Variants in PXDNL observed in about 807,000 individuals in gnomAD.
PXDNL encodes the protein probable oxidoreductase PXDNL.
In PXDNL, 145 loss-of-function variants were observed where a neutral mutation model predicts 150.8. That is an observed-to-expected ratio of 0.96 (90% CI 0.84 to 1.10). PXDNL has a LOEUF of 1.10. PXDNL is among the 50% of genes least tolerant of loss of function. The pLI is 0.00. For synonymous variants in PXDNL, 757 were observed against 725.7 expected (o/e 1.04, Z -0.69); for missense variants, 2,087 against 1,873.9 (o/e 1.11, Z -2.10).
intron 4 of PXDNL, among the ~76,000 whole-genome samples, chr8:51,551,461 A>G (rs1336836794): frequency 6.6e-6 from 1 of 152,172 alleles, no homozygotes; most frequent in Non-Finnish European, 1.5e-5. Flanking sequence ...GCATGGTACT[A>G]CTGGTATAAA....
At chr8:51,444,764 C>T (rs1226878472) in intron 12 of PXDNL, among the ~76,000 whole-genome samples, 1 of 152,114 alleles carries the variant, frequency 6.6e-6, no homozygotes, top group African/African-American at 2.4e-5. Flanking sequence ...TGAATTAATT[C>T]ACTCTTCCAT....
intron 14 of PXDNL, among the ~76,000 whole-genome samples, chr8:51,416,651 A>G (rs964635025): frequency 6.6e-6 from 1 of 152,240 alleles, no homozygotes; most frequent in East Asian, 1.9e-4. Flanking sequence ...GTATCCTCAC[A>G]TGATTATCAA....
At chr8:51,529,473 G>A (rs1190914271) in intron 4 of PXDNL, among the ~76,000 whole-genome samples, 3 of 152,120 alleles carry the variant, frequency 2.0e-5, no homozygotes, top group Non-Finnish European at 2.9e-5. Context: ...GCCTCCCCTA[G>A]GACCTTGTAA....
At chr8:51,598,619 A>G (rs558239178) in intron 2 of PXDNL, among the ~76,000 whole-genome samples, 1 of 152,142 alleles carries the variant, frequency 6.6e-6, no homozygotes, top group African/African-American at 2.4e-5. Flanking sequence ...TAATTTTTTG[A>G]TGTGCTGCTG....
intron 5 of PXDNL, among the ~76,000 whole-genome samples, chr8:51,487,946 C>T (rs889176066): frequency 2.0e-5 from 3 of 152,144 alleles, no homozygotes; most frequent in Non-Finnish European, 4.4e-5. Flanking sequence ...GCACATTACT[C>T]GACTATGTGC....
At chr8:51,622,959 A>T (rs1814286785) in intron 2 of PXDNL, among the ~76,000 whole-genome samples, 1 of 152,168 alleles carries the variant, frequency 6.6e-6, no homozygotes, top group South Asian at 2.1e-4. Flanking sequence ...ATCTAAGTGG[A>T]AAGACAAAAG....
intron 4 of PXDNL, among the ~76,000 whole-genome samples, chr8:51,502,842 G>A (rs112379045): frequency 3.9e-5 from 6 of 152,086 alleles, no homozygotes; most frequent in African/African-American, 7.2e-5. Flanking sequence ...GACAGCTTTC[G>A]CTTGGGAGGG....
intron 4 of PXDNL, among the ~76,000 whole-genome samples, chr8:51,510,528 G>T (rs1329253641): frequency 6.6e-6 from 1 of 152,114 alleles, no homozygotes; most frequent in Non-Finnish European, 1.5e-5. Flanking sequence ...GCACAGCAGG[G>T]GCATAGGACA....
At chr8:51,533,421 G>A (rs1449979225) in intron 4 of PXDNL, among the ~76,000 whole-genome samples, 3 of 151,750 alleles carry the variant, frequency 2.0e-5, no homozygotes, top group African/African-American at 7.3e-5. Context: ...AAAATGTTGG[G>A]ATTACAGTCA....
At chr8:51,767,308 C>T (rs1356396512) in intron 1 of PXDNL, among the ~76,000 whole-genome samples, 3 of 151,822 alleles carry the variant, frequency 2.0e-5, no homozygotes, top group Non-Finnish European at 4.4e-5. Context: ...GAAAACTGAA[C>T]ATTTAACATA....
At chr8:51,542,341 GAAT>G (rs1812234799) in intron 4 of PXDNL, among the ~76,000 whole-genome samples, 2 of 152,080 alleles carry the variant, frequency 1.3e-5, no homozygotes, top group Non-Finnish European at 2.9e-5. Flanking sequence ...CAAGTTTATT[GAAT>G]ATTATGGACT....
At chr8:51,386,393 G>T (rs7839269) in intron 17 of PXDNL, among the ~76,000 whole-genome samples, 5,106 of 152,170 alleles carry the variant, frequency 0.034, 108 homozygotes, top group South Asian at 0.079. Flanking sequence ...GCCCGGCCAG[G>T]TGATTTATTC....
intron 8 of PXDNL, among the ~76,000 whole-genome samples, chr8:51,459,527 T>C (rs1419709829): frequency 6.6e-6 from 1 of 152,164 alleles, no homozygotes; most frequent in Non-Finnish European, 1.5e-5. Flanking sequence ...AAAAATGATA[T>C]AAAACAGGCA....
chr8:51,412,612 T>C (rs1344213808), intron 15 of PXDNL, among the ~76,000 whole-genome samples: 1 of 152,234 alleles, frequency 6.6e-6, no homozygotes, highest in East Asian at 1.9e-4. Context: ...ACTGAATATA[T>C]ACTTTATCCG....
chr8:51,410,966 C>A (rs1008537833), intron 16 of PXDNL, among the ~76,000 whole-genome samples: 5 of 152,164 alleles, frequency 3.3e-5, no homozygotes, highest in Non-Finnish European at 7.4e-5. Context: ...ACAATAATAT[C>A]TTTTACATTT....
chr8:51,741,589 T>TTACTA (rs1281724274), intron 1 of PXDNL, among the ~76,000 whole-genome samples: 1 of 152,142 alleles, frequency 6.6e-6, no homozygotes, highest in African/African-American at 2.4e-5. Context: ...ATGTTAAGGA[T>TTACTA]TACTACATAG....
intron 5 of PXDNL, among the ~76,000 whole-genome samples, chr8:51,488,194 T>C (rs1298684931): frequency 6.6e-6 from 1 of 152,224 alleles, no homozygotes; most frequent in Non-Finnish European, 1.5e-5. Flanking sequence ...GAGGGCAGAA[T>C]GTGGAAGTTC....
At chr8:51,483,516 C>T (rs1177189281) in intron 6 of PXDNL, 127 bp downstream of exon 6, 14 of 685,996 alleles carry the variant, frequency 2.0e-5, no homozygotes, top group Admixed American at 1.6e-4. Flanking sequence ...ACCATTTTCT[C>T]CCTAACATGC....
chr8:51,413,970 C>T (rs1563401832), intron 14 of PXDNL, among the ~76,000 whole-genome samples: 1 of 151,980 alleles, frequency 6.6e-6, no homozygotes, highest in African/African-American at 2.4e-5. Flanking sequence ...AGTACAGTAA[C>T]ATTTTATGTG....
Sources: gnomAD v4.1 joint callset for allele counts (sites outside exome capture counted in the v4.1 genomes callset) on GRCh38, gnomAD v4.1.1 for gene constraint, MANE v1.5 for transcripts, NCBI Gene and HGNC (gene_info 2026-07-23, HGNC 2026-07-21) for gene names.